Variants in SPMIP7 observed in about 807,000 individuals in gnomAD.
SPMIP7 encodes protein SPMIP7.
chr7:50,139,238 A>C, the SPMIP7 span, among the ~76,000 whole-genome samples: 2 of 151,462 alleles, frequency 1.3e-5, no homozygotes, highest in South Asian at 2.1e-4. Context: ...AATCACTGCT[A>C]CTCGAGAGGC....
the SPMIP7 span, among the ~76,000 whole-genome samples, chr7:50,139,780 AAC>A: frequency 5.9e-5 from 9 of 152,196 alleles, no homozygotes; most frequent in Non-Finnish European, 1.2e-4. Flanking sequence ...AAAACCCAGA[AAC>A]AACCAAGATG....
chr7:50,107,440 A>G, the SPMIP7 span, among the ~76,000 whole-genome samples: 2 of 150,026 alleles, frequency 1.3e-5, no homozygotes, highest in Non-Finnish European at 3.0e-5. Context: ...AAGCAATTCC[A>G]GAACTGAAAA....
At chr7:50,115,495 A>G in the SPMIP7 span, among the ~76,000 whole-genome samples, 1 of 152,210 alleles carries the variant, frequency 6.6e-6, no homozygotes, top group African/African-American at 2.4e-5. Context: ...ACATTCACTG[A>G]GATAAATTAT....
the SPMIP7 span, among the ~76,000 whole-genome samples, chr7:50,153,747 C>T: frequency 6.6e-6 from 1 of 152,112 alleles, no homozygotes; most frequent in Non-Finnish European, 1.5e-5. Context: ...CAGGCAGTGA[C>T]TTGAAGGAGT....
At chr7:50,144,867 G>A in the SPMIP7 span, among the ~76,000 whole-genome samples, 2 of 151,976 alleles carry the variant, frequency 1.3e-5, no homozygotes, top group Non-Finnish European at 1.5e-5. Flanking sequence ...ACTGTTGACC[G>A]GATCTGGGTA....
At chr7:50,131,481 C>A in the SPMIP7 span, among the ~76,000 whole-genome samples, 1 of 152,072 alleles carries the variant, frequency 6.6e-6, no homozygotes, top group South Asian at 2.1e-4. Flanking sequence ...GAGAAATCAA[C>A]CGGGGTGTCA....
At chr7:50,123,606 T>A in the SPMIP7 span, among the ~76,000 whole-genome samples, 3 of 145,372 alleles carry the variant, frequency 2.1e-5, no homozygotes, top group Non-Finnish European at 3.1e-5. Context: ...AATAAAAAGC[T>A]TGAAATGTTT....
At chr7:50,109,326 T>G in the SPMIP7 span, among the ~76,000 whole-genome samples, 7 of 152,028 alleles carry the variant, frequency 4.6e-5, no homozygotes. Flanking sequence ...TTCCTTTAAG[T>G]GTCAGAGGCA....
chr7:50,107,410 A>AG, the SPMIP7 span, among the ~76,000 whole-genome samples: 5 of 148,324 alleles, frequency 3.4e-5, 1 homozygote, highest in Admixed American at 2.0e-4. Context: ...AAGAAAAAAA[A>AG]AAAAGAAAAT....
the SPMIP7 span, among the ~76,000 whole-genome samples, chr7:50,108,253 T>G: frequency 6.6e-6 from 1 of 152,020 alleles, no homozygotes. Context: ...AAGACAGCAA[T>G]AGAGAGAAGA....
At chr7:50,125,107 TATATATATACAC>T in the SPMIP7 span, among the ~76,000 whole-genome samples, 2 of 87,880 alleles carry the variant, frequency 2.3e-5, 1 homozygote, top group Non-Finnish European at 4.3e-5. Flanking sequence ...TATATATATA[TATATATATACAC>T]ACACACACAC....
the SPMIP7 span, among the ~76,000 whole-genome samples, chr7:50,147,748 G>A: frequency 6.6e-6 from 1 of 152,016 alleles, no homozygotes; most frequent in African/African-American, 2.4e-5. Flanking sequence ...GTTTGGTTGA[G>A]AACCAATTCA....
chr7:50,120,060 A>G, the SPMIP7 span: 1 of 151,980 alleles, frequency 6.6e-6, no homozygotes, highest in Non-Finnish European at 1.5e-5. Context: ...GTCTGAGGAG[A>G]ATTTGTTTAC....
At chr7:50,097,720 G>A in the SPMIP7 span, among the ~76,000 whole-genome samples, 7 of 146,592 alleles carry the variant, frequency 4.8e-5, no homozygotes, top group East Asian at 2.0e-4. Flanking sequence ...GTGAAACTTC[G>A]TAAGATAATA....
chr7:50,111,273 G>C, the SPMIP7 span, among the ~76,000 whole-genome samples: 1 of 151,988 alleles, frequency 6.6e-6, no homozygotes, highest in Non-Finnish European at 1.5e-5. Context: ...TCTGCACAGA[G>C]AGGCTTCCTG....
chr7:50,119,293 A>G, the SPMIP7 span, among the ~76,000 whole-genome samples: 79,241 of 152,024 alleles, frequency 0.52, 21,645 homozygotes, highest in East Asian at 0.73. Flanking sequence ...AAACCTGACC[A>G]GGAAAACTTT....
the SPMIP7 span, chr7:50,141,514 C>T: frequency 3.1e-6 from 2 of 639,016 alleles, no homozygotes; most frequent in Non-Finnish European, 5.5e-6. Flanking sequence ...AGAAAGATAC[C>T]TGCTTCCTAA....
the SPMIP7 span, among the ~76,000 whole-genome samples, chr7:50,157,838 T>C: frequency 6.6e-6 from 1 of 152,164 alleles, no homozygotes; most frequent in Non-Finnish European, 1.5e-5. Context: ...AGTTTGGGAA[T>C]GCCAGTAACC....
chr7:50,133,787 T>G, the SPMIP7 span, among the ~76,000 whole-genome samples: 1 of 152,182 alleles, frequency 6.6e-6, no homozygotes, highest in African/African-American at 2.4e-5. Context: ...TTGTGTCTCT[T>G]TTTTAGAGCT....
Sources: gnomAD v4.1 joint callset for allele counts (sites outside exome capture counted in the v4.1 genomes callset) on GRCh38, gnomAD v4.1.1 for gene constraint, MANE v1.5 for transcripts, NCBI Gene and HGNC (gene_info 2026-07-23, HGNC 2026-07-21) for gene names.